Variants in KCNH8 observed in about 807,000 individuals in gnomAD.
KCNH8 encodes the protein voltage-gated delayed rectifier potassium channel KCNH8.
Under a neutral mutation model 103.6 loss-of-function variants are expected in KCNH8, and 70 were observed. The observed-to-expected ratio is 0.68, with a 90% confidence interval of 0.56 to 0.82. The LOEUF (loss-of-function observed/expected upper bound fraction) is 0.82, where lower values mean the gene tolerates loss of function less well. Ranked by LOEUF, KCNH8 falls within the 40% of genes least tolerant of loss-of-function variation. KCNH8 has a pLI of 0.00. For synonymous variants in KCNH8, 498 were observed against 489.4 expected, an observed-to-expected ratio of 1.02 and a Z score of -0.23; for missense variants, 1,217 against 1,329.9, an observed-to-expected ratio of 0.92 and a Z score of 1.32.
intron 15 of KCNH8, 32 bp from the exon 16 acceptor site, chr3:19,533,363 C>G (rs1182616091): frequency 2.8e-6 from 4 of 1,424,236 alleles, no homozygotes; most frequent in Non-Finnish European, 4.0e-6. Flanking sequence ...GCACCTCTAA[C>G]TATTGTCTTT....
chr3:19,337,505 A>T (rs1175428713), intron 3 of KCNH8, among the ~76,000 whole-genome samples: 1 of 151,898 alleles, frequency 6.6e-6, no homozygotes, highest in Non-Finnish European at 1.5e-5. Flanking sequence ...TATTTTACTC[A>T]TTTACCTTCA....
At chr3:19,180,811 G>A (rs1257023355) in intron 1 of KCNH8, among the ~76,000 whole-genome samples, 2 of 152,072 alleles carry the variant, frequency 1.3e-5, no homozygotes, top group East Asian at 3.9e-4. Flanking sequence ...ATTTTTAGAT[G>A]ATTACACAAA....
chr3:19,229,513 A>G (rs943741622), intron 1 of KCNH8, among the ~76,000 whole-genome samples: 1 of 152,332 alleles, frequency 6.6e-6, no homozygotes, highest in Non-Finnish European at 1.5e-5. Flanking sequence ...CTTGAGATCT[A>G]CATTGGCTCC....
At chr3:19,390,324 AT>A (rs2066418019) in intron 5 of KCNH8, among the ~76,000 whole-genome samples, 156 bp from the exon 6 acceptor site, 1 of 151,878 alleles carries the variant, frequency 6.6e-6, no homozygotes, top group African/African-American at 2.4e-5. Flanking sequence ...CATTTGCCTA[AT>A]TTTATTTAAT....
chr3:19,354,517 T>C (rs530728538), intron 5 of KCNH8, among the ~76,000 whole-genome samples: 31 of 152,286 alleles, frequency 2.0e-4, no homozygotes, highest in African/African-American at 6.7e-4. Context: ...AGCATGGTAC[T>C]GGTACCAAAA....
intron 3 of KCNH8, among the ~76,000 whole-genome samples, chr3:19,286,293 T>C (rs2064831222): frequency 6.6e-6 from 1 of 152,188 alleles, no homozygotes. Context: ...GGCCTTTGAA[T>C]AATTAAGTTA....
chr3:19,339,458 G>T (rs983728472), intron 3 of KCNH8, among the ~76,000 whole-genome samples: 1 of 152,026 alleles, frequency 6.6e-6, no homozygotes, highest in Non-Finnish European at 1.5e-5. Context: ...ATTACTCCTT[G>T]CTGGAGTAGT....
chr3:19,499,039 T>C (rs2068513830), intron 11 of KCNH8, among the ~76,000 whole-genome samples: 1 of 152,046 alleles, frequency 6.6e-6, no homozygotes, highest in African/African-American at 2.4e-5. Flanking sequence ...TTGAGAACTT[T>C]GAAAAAAATT....
chr3:19,192,998 T>G (rs1318694832), intron 1 of KCNH8, among the ~76,000 whole-genome samples: 2 of 151,608 alleles, frequency 1.3e-5, no homozygotes, highest in African/African-American at 2.4e-5. Flanking sequence ...TGATTTAACA[T>G]TTTTACATAA....
At chr3:19,403,783 A>T (rs1297643829) in intron 7 of KCNH8, among the ~76,000 whole-genome samples, 1 of 151,974 alleles carries the variant, frequency 6.6e-6, no homozygotes. Context: ...AAAAGTGTTA[A>T]GCAGCTAATA....
At chr3:19,324,126 C>G (rs1010908408) in intron 3 of KCNH8, among the ~76,000 whole-genome samples, 3 of 151,838 alleles carry the variant, frequency 2.0e-5, no homozygotes, top group Non-Finnish European at 4.4e-5. Flanking sequence ...TCCAATGGGG[C>G]AGGGTTAGGT....
intron 1 of KCNH8, among the ~76,000 whole-genome samples, chr3:19,169,358 A>C (rs1377106880): frequency 1.4e-5 from 2 of 145,668 alleles, no homozygotes; most frequent in Non-Finnish European, 1.5e-5. Context: ...TCCCGGGTTC[A>C]CGCCATTCTC....
intron 1 of KCNH8, among the ~76,000 whole-genome samples, chr3:19,185,773 C>T (rs973168348): frequency 6.6e-6 from 1 of 151,842 alleles, no homozygotes; most frequent in Non-Finnish European, 1.5e-5. Flanking sequence ...TATTAGAATT[C>T]CTACATTCTA....
intron 2 of KCNH8, among the ~76,000 whole-genome samples, chr3:19,258,939 CTCTCTCTCTATATATATATATATATATA>C (rs1338277832): frequency 1.2e-4 from 9 of 74,108 alleles, no homozygotes; most frequent in Admixed American, 9.0e-4. Context: ...CTCTCTCTCT[CTCTCTCTCTATATATATATATATATATA>C]TATATATATA....
chr3:19,480,843 C>G (rs2068073084), intron 11 of KCNH8, among the ~76,000 whole-genome samples: 1 of 152,166 alleles, frequency 6.6e-6, no homozygotes, highest in Non-Finnish European at 1.5e-5. Flanking sequence ...AAACAATTAT[C>G]TTTCCAATTT....
intron 7 of KCNH8, among the ~76,000 whole-genome samples, chr3:19,415,994 G>T (rs1371288209): frequency 6.6e-6 from 1 of 151,964 alleles, no homozygotes; most frequent in Non-Finnish European, 1.5e-5. Flanking sequence ...TCTCTTTGAT[G>T]AATTAGACAC....
Position 19,395,298 on chromosome 3 carries a change from G to C in KCNH8, c.1164G>C (p.Leu388=), listed in dbSNP as rs776035932. Residue 388 remains leucine, a synonymous_variant, in exon 7 of 16, where the codon CTG becomes CTC. Transcript: ENST00000328405. The part of the protein sequence containing the change: ...GKMEREDNSL[L]KWEVGWLHEL... ...TGGAGAGGGAAGACAACAGCCTTCT[G>C]AAGTGGGAAGTTGGTAAGGGCTTAC... 17 of 1,609,788 alleles carry C rather than the reference G, an allele frequency of 1.1e-5. No homozygotes were observed. The highest frequency in any genetic ancestry group is 1.4e-5 in the Non-Finnish European group (16 of 1,177,644).
At chr3:19,182,903 A>G (rs757579421) in intron 1 of KCNH8, among the ~76,000 whole-genome samples, 8 of 152,250 alleles carry the variant, frequency 5.3e-5, no homozygotes, top group Non-Finnish European at 7.3e-5. Context: ...AAGCCACAAC[A>G]GTTTTGGGCA....
At chr3:19,430,017 A>G (rs913526795) in intron 7 of KCNH8, among the ~76,000 whole-genome samples, 9 of 152,196 alleles carry the variant, frequency 5.9e-5, no homozygotes, top group African/African-American at 1.9e-4. Flanking sequence ...ATAGTGCTGC[A>G]ATGAATGTAT....
Sources: allele counts gnomAD v4.1 joint callset (sites outside exome capture counted in the v4.1 genomes callset), GRCh38; gene constraint gnomAD v4.1.1; transcripts MANE v1.5; gene names NCBI Gene and HGNC (gene_info 2026-07-23, HGNC 2026-07-21).